The following HTT variants were observed in gnomAD, a reference collection of about 807,000 sequenced individuals.
The protein encoded by HTT is huntington disease protein.
HTT carries 104 observed loss-of-function variants against 362.3 expected under a neutral mutation model. The ratio of observed to expected loss-of-function variants is 0.29; its 90% CI spans 0.24 to 0.34. HTT has a LOEUF of 0.34. HTT is among the 10% of genes least tolerant of loss of function. The probability of loss-of-function intolerance (pLI) is 1.00; values close to 1 mark genes in which losing one functional copy is unlikely to be tolerated. For synonymous variants in HTT, 1,577 were observed against 1,548.7 expected, an observed-to-expected ratio of 1.02 and a Z score of -0.43; for missense variants, 3,301 against 3,928.6, an observed-to-expected ratio of 0.84 and a Z score of 4.27.
chr4:3,224,216 G>A lies in HTT; in HGVS notation c.7765+85G>A, dbSNP rs550631580. The A allele has an allele frequency of 4.3e-5, 60 of 1,397,954 alleles. No homozygotes were observed. The South Asian group carries it at 6.0e-4, about 14-fold the overall frequency. 86.6% of individuals were successfully genotyped at this position (1,397,954 alleles called of 1,614,324 possible). On this transcript the variant is annotated intron_variant, in intron 56 of 66. Coordinates refer to ENST00000355072, the MANE Select transcript of HTT (RefSeq NM_001388492.1). Reference sequence around the variant, plus strand: ...GGCATGCTCACCACACCAGTGATGCGGGAAGACCTGAGTGTGGTCTGAGTT... The same window carrying A: ...GGCATGCTCACCACACCAGTGATGCAGGAAGACCTGAGTGTGGTCTGAGTT...
chr4:3,207,402 G>C (rs751111829), intron 45 of HTT, 45 bp downstream of exon 45: 51 of 1,402,378 alleles, frequency 3.6e-5, no homozygotes, highest in Admixed American at 9.4e-5. Flanking sequence ...GACAACCCAG[G>C]ATATAAAGGA....
chr4:3,214,982 C>A, intron 50 of HTT, 128 bp from the exon 51 acceptor site: 1 of 689,400 alleles, frequency 1.5e-6, no homozygotes, highest in Non-Finnish European at 2.5e-6. Context: ...AAAATTGGTT[C>A]TAAGGAATCT....
chr4:3,225,632 A>G, intron 56 of HTT, 29 bp from the exon 57 acceptor site: 1 of 1,604,734 alleles, frequency 6.2e-7, no homozygotes, highest in African/African-American at 1.3e-5. Flanking sequence ...CCCTGTGCAG[A>G]TCAAGACTCA....
At chr4:3,236,117 G>C (rs778515992) in intron 63 of HTT, 32 bp from the exon 64 acceptor site, 59 of 1,495,518 alleles carry the variant, frequency 3.9e-5, no homozygotes, top group Non-Finnish European at 8.4e-6. Context: ...GTTGTATAGA[G>C]GTAACCTTCG....
rs1191640253 is a variant in HTT at position 3,160,271 on chromosome 4, A to C, written c.3754-11A>C. 6.5e-7 allele frequency: 1 copy of C among 1,528,418 alleles called. No homozygotes were observed. Among genetic ancestry groups the C allele is most frequent in the Non-Finnish European group, 8.9e-7 (1 of 1,125,640 alleles). 94.7% of individuals were successfully genotyped at this position (1,528,418 alleles called of 1,614,324 possible). A position where few individuals can be genotyped will look rare whatever the true frequency, so the allele number is the denominator to read the frequency against. ...CCAGTAACCGTGTGTTCTCTCCTTC[A>C]CCTTCCCAAGGTCACGCTGGATCTT... On this transcript the variant is annotated splice_polypyrimidine_tract_variant and intron_variant, in intron 28 of 66. Coordinates refer to ENST00000355072, the MANE Select transcript of HTT (RefSeq NM_001388492.1).
intron 3 of HTT, 74 bp downstream of exon 3, chr4:3,099,468 T>G (rs1055356977): frequency 3.1e-5 from 50 of 1,591,652 alleles, no homozygotes; most frequent in Non-Finnish European, 3.0e-5. Context: ...GATCATTGAG[T>G]GTTCTTCTGT....
At chr4:3,149,010 C>T (rs1716748570) in intron 26 of HTT, among the ~76,000 whole-genome samples, 2 of 152,192 alleles carry the variant, frequency 1.3e-5, no homozygotes, top group African/African-American at 2.4e-5. Context: ...TATCATCAGT[C>T]ACTGTTATCC....
At chr4:3,201,750 C>CCCTG (rs1719544166) in intron 41 of HTT, among the ~76,000 whole-genome samples, 1 of 152,020 alleles carries the variant, frequency 6.6e-6, no homozygotes, top group African/African-American at 2.4e-5. Context: ...TGGTTTAAAC[C>CCCTG]CCTGCTCTTA....
At position 3,099,341 on chromosome 4, in the gene HTT, G is replaced by A. The variant is rs759582713; in HGVS notation, c.415G>A (p.Ala139Thr). 33 of 1,613,516 alleles carry A rather than the reference G, an allele frequency of 2.0e-5. No homozygotes were observed. The highest frequency in any genetic ancestry group is 6.7e-5 in the Admixed American group (4 of 59,994). ...ACTTTTTCTGCTGTGCAGTGATGAC[G>A]CAGAGTCAGATGTCAGGATGGTGGC... Reference protein sequence around the residue: ...MELFLLCSDDAESDVRMVADE... With the variant: ...MELFLLCSDDTESDVRMVADE... Residue 139 changes from alanine (A) to threonine (T), a missense_variant, in exon 3 of 67, where the codon GCA (alanine) becomes ACA (threonine). By Grantham distance (58) the Ala-to-Thr change is moderately conservative (BLOSUM62 0). This residue lies in a region of HTT where 2,316 missense variants were observed against 2,658.5 expected (regional missense o/e 0.87). Coordinates refer to ENST00000355072, the MANE Select transcript of HTT (RefSeq NM_001388492.1).
At chr4:3,193,238 A>G (rs541689765) in intron 40 of HTT, among the ~76,000 whole-genome samples, 4 of 152,390 alleles carry the variant, frequency 2.6e-5, no homozygotes, top group East Asian at 1.9e-4. Context: ...TTTAATTTTC[A>G]TAGTGGACTC....
intron 29 of HTT, among the ~76,000 whole-genome samples, chr4:3,166,910 C>T (rs1243921595): frequency 2.0e-5 from 3 of 152,262 alleles, no homozygotes; most frequent in African/African-American, 7.2e-5. Context: ...GAGGCAACAC[C>T]CCGCCCTGCT....
chr4:3,223,606 G>A lies in HTT; in HGVS notation c.7625+46G>A, dbSNP rs1336445886. 5 of 1,528,688 alleles carry A rather than the reference G, an allele frequency of 3.3e-6. No homozygotes were observed. The Admixed American group carries it at 5.9e-5, about 18-fold the overall frequency. The allele number at this position is 1,528,688 out of a possible 1,614,324, so 94.7% of individuals were successfully genotyped here. ...GTCTCTGGGACATAGCAGGTGCTGG[G>A]GACAGTGGGTTCCCCGCTGAAGCGT... On this transcript the variant is annotated intron_variant, in intron 55 of 66. Transcript: ENST00000355072.
chr4:3,156,566 C>G (rs1449670916), intron 27 of HTT, among the ~76,000 whole-genome samples: 1 of 152,330 alleles, frequency 6.6e-6, no homozygotes, highest in Non-Finnish European at 1.5e-5. Context: ...ACTAAGGACT[C>G]CAAGTCAAAA....
chr4:3,083,759 C>A (rs569952327), intron 1 of HTT, among the ~76,000 whole-genome samples: 11 of 152,178 alleles, frequency 7.2e-5, no homozygotes, highest in Admixed American at 2.0e-4. Context: ...CGTTAGTATA[C>A]AGCCCAGCAG....
rs1718337324 is a variant in HTT at position 3,178,313 on chromosome 4, C to T, written c.4479C>T (p.Ile1493=). ...TTGTTTTTAGGGAATCAGAGGCAAT[C>T]ATTCCAAACATCTTTTTCTTCTTGG... ...EVGQFRESEA[I]IPNIFFFLVL... The change falls in exon 35 of 67, where the codon ATC becomes ATT. Residue 1493 remains isoleucine (I), a synonymous_variant. Coordinates refer to ENST00000355072, the MANE Select transcript of HTT (RefSeq NM_001388492.1). 6.2e-7 allele frequency: 1 copy of T among 1,607,646 alleles called. No individual in the cohort carries two copies. The highest frequency in any genetic ancestry group is 8.5e-7 in the Non-Finnish European group (1 of 1,174,774).
chr4:3,217,935 A>G lies in HTT; in HGVS notation c.7225A>G (p.Thr2409Ala). ...LARLPLVNSYTRVPPLVWKLG... is the reference protein window; with the variant it reads ...LARLPLVNSYARVPPLVWKLG... ...CCGCCTGCCCCTTGTCAACAGCTACACACGTGTGCCCCCACTGGTGAGTCT... is the reference window on the plus strand; with the variant it reads ...CCGCCTGCCCCTTGTCAACAGCTACGCACGTGTGCCCCCACTGGTGAGTCT... Residue 2409 changes from threonine to alanine, a missense_variant, in exon 52 of 67, where the codon ACA becomes GCA. Physicochemically the swap from Thr to Ala is moderately conservative, Grantham distance 58 (BLOSUM62 0). This residue lies in a region of HTT where 753 missense variants were observed against 1,021.3 expected (regional missense o/e 0.74). Transcript: ENST00000355072. 1 of 1,611,574 alleles carries G rather than the reference A, an allele frequency of 6.2e-7. No homozygotes were observed. Among genetic ancestry groups the G allele is most frequent in the Non-Finnish European group, 8.5e-7 (1 of 1,179,240 alleles).
At chr4:3,239,399 C>G (rs1044944009) in intron 66 of HTT, among the ~76,000 whole-genome samples, 3 of 146,262 alleles carry the variant, frequency 2.1e-5, no homozygotes, top group Non-Finnish European at 4.6e-5. Context: ...AGTTCCCACC[C>G]CCAGATGCTG....
chr4:3,138,288 A>G (rs896074210), intron 21 of HTT, among the ~76,000 whole-genome samples: 3 of 151,730 alleles, frequency 2.0e-5, no homozygotes, highest in Non-Finnish European at 4.4e-5. Flanking sequence ...TTTTGGTTAC[A>G]TGGCTGAATT....
chr4:3,186,669 C>G lies in HTT; in HGVS notation c.4939C>G (p.Arg1647Gly). Residue 1647 changes from arginine (R) to glycine (G), a missense_variant, in exon 38 of 67, where the codon CGT becomes GGT. Arg to Gly is a moderately radical substitution (Grantham distance 125). Transcript: ENST00000355072. ...TGAGATTTTGGCCCCTTCCTCCCTC[C>G]GTCCGGTAGACATGCTTTTACGGAG... ...LFEILAPSSL[R>G]PVDMLLRSMF... 1.2e-6 allele frequency: 2 copies of G among 1,613,740 alleles called. No individual in the cohort carries two copies. The highest frequency in any genetic ancestry group is 1.7e-6 in the Non-Finnish European group (2 of 1,179,762).
Sources: allele counts gnomAD v4.1 joint callset (sites outside exome capture counted in the v4.1 genomes callset), GRCh38; gene constraint gnomAD v4.1.1; regional missense constraint gnomAD v4.1.1; transcripts MANE v1.5; gene names NCBI Gene and HGNC (gene_info 2026-07-23, HGNC 2026-07-21).